RIC8B: variants seen among roughly 807,000 people sequenced by gnomAD.
RIC8B encodes RIC8 guanine nucleotide exchange factor B, also known as chaperone Ric-8B.
Under a neutral mutation model 57.5 loss-of-function variants are expected in RIC8B, and 16 were observed. That is an observed-to-expected ratio of 0.28 (90% CI 0.19 to 0.42). The LOEUF is 0.42. RIC8B is among the 10% of genes least tolerant of loss of function. The pLI, the probability that RIC8B is intolerant of heterozygous loss-of-function variation, is 1.00. For missense variants in RIC8B, 481 were observed against 677.0 expected (o/e 0.71, Z 3.21); for synonymous variants, 216 against 250.8 (o/e 0.86, Z 1.31).
At chr12:106,884,313 G>A (rs1951082889) in intron 9 of RIC8B, among the ~76,000 whole-genome samples, 2 of 152,218 alleles carry the variant, frequency 1.3e-5, no homozygotes, top group African/African-American at 4.8e-5. Flanking sequence ...ATATGACATA[G>A]TTCCTGTCAC....
intron 1 of RIC8B, 140 bp downstream of exon 1, chr12:106,774,969 G>A (rs555202883): frequency 3.1e-6 from 2 of 649,462 alleles, no homozygotes; most frequent in Non-Finnish European, 5.4e-6. Flanking sequence ...TTGGGCATGC[G>A]TGTTTGTGCC....
chr12:106,852,418 T>TA (rs1949514296), intron 7 of RIC8B, among the ~76,000 whole-genome samples: 1 of 152,224 alleles, frequency 6.6e-6, no homozygotes, highest in African/African-American at 2.4e-5. Context: ...TCACTCCTCC[T>TA]AAAATCTTAA....
intron 9 of RIC8B, among the ~76,000 whole-genome samples, chr12:106,878,754 A>G (rs1440837104): frequency 6.6e-6 from 1 of 152,172 alleles, no homozygotes; most frequent in African/African-American, 2.4e-5. Flanking sequence ...GAACCTGCCT[A>G]AATAGCAGCC....
chr12:106,817,564 A>C (rs964314725), intron 3 of RIC8B, among the ~76,000 whole-genome samples: 1 of 152,112 alleles, frequency 6.6e-6, no homozygotes, highest in Non-Finnish European at 1.5e-5. Context: ...TCACGCCTGT[A>C]ATCCCAGCAC....
chr12:106,825,775 T>C lies in RIC8B; in HGVS notation c.791T>C (p.Leu264Ser). 1 of 1,613,940 alleles carries C rather than the reference T, an allele frequency of 6.2e-7. No individual in the cohort carries two copies. Among genetic ancestry groups the C allele is most frequent in the Non-Finnish European group, 8.5e-7 (1 of 1,179,812 alleles). Residue 264 changes from leucine (L) to serine (S), a missense_variant, in exon 4 of 10, where the codon TTA (leucine) becomes TCA (serine). Coordinates refer to ENST00000392837, the MANE Select transcript of RIC8B (RefSeq NM_001330145.2). ...ATGGCAGCTGTCCTTCGTCATTGTT[T>C]ACTAATCGTAGGTCCAACTGAAGAC... is the stretch of plus-strand genomic sequence containing the variant. ...RVMAAVLRHC[L>S]LIVGPTEDKT...
At chr12:106,847,249 G>A (rs186081786) in intron 6 of RIC8B, among the ~76,000 whole-genome samples, 1 of 152,050 alleles carries the variant, frequency 6.6e-6, no homozygotes, top group Non-Finnish European at 1.5e-5. Context: ...TATTCTAGGG[G>A]GAAATACATA....
chr12:106,862,119 G>A (rs1333677844), intron 8 of RIC8B, among the ~76,000 whole-genome samples: 3 of 151,996 alleles, frequency 2.0e-5, no homozygotes, highest in African/African-American at 7.2e-5. Flanking sequence ...TCTCTGTCAT[G>A]GAAAGTTTCT....
intron 2 of RIC8B, among the ~76,000 whole-genome samples, chr12:106,785,811 CTCTGTGTGTGTG>C (rs1397860860): frequency 6.5e-5 from 8 of 122,254 alleles, no homozygotes; most frequent in African/African-American, 1.6e-4. Context: ...CTCTCTCTCT[CTCTGTGTGTGTG>C]TGTGTGTGTG....
chr12:106,798,822 G>T (rs1391885621), intron 2 of RIC8B, among the ~76,000 whole-genome samples: 1 of 151,780 alleles, frequency 6.6e-6, no homozygotes, highest in Non-Finnish European at 1.5e-5. Context: ...GCTTTCTCTG[G>T]CAAAATTTCT....
rs758690591 is a variant in RIC8B at position 106,803,214 on chromosome 12, T to TAAAAAAAAAAA, written c.133-11482_133-11481insAAAAAAAAAAA. Among the ~76,000 whole-genome samples the TAAAAAAAAAAA allele has an allele frequency of 9.1e-4, 77 of 84,248 alleles. 4 individuals carry two copies. Among genetic ancestry groups the TAAAAAAAAAAA allele is most frequent in the East Asian group, 1.5e-3 (4 of 2,684 alleles). The allele number at this position is 84,248 out of a possible 152,430, so 55.3% of individuals were successfully genotyped here. ...GTGACAAGAGTGATGATACCCTGTCTCAAAAAAAAAAAAAAAAAAAAAAAG... is the reference window on the plus strand; with the variant it reads ...GTGACAAGAGTGATGATACCCTGTCTAAAAAAAAAAACAAAAAAAAAAAAAAAAAAAAAAAG... On this transcript the variant is annotated intron_variant, in intron 2 of 9. Coordinates refer to ENST00000392837, the MANE Select transcript of RIC8B (RefSeq NM_001330145.2).
intron 4 of RIC8B, among the ~76,000 whole-genome samples, chr12:106,833,339 C>T (rs933420308): frequency 1.3e-5 from 2 of 152,152 alleles, no homozygotes; most frequent in African/African-American, 2.4e-5. Context: ...TGGTGGCTCA[C>T]GCCTGTAATC....
chr12:106,833,594 C>CT (rs1400885415), intron 4 of RIC8B, among the ~76,000 whole-genome samples: 3 of 151,806 alleles, frequency 2.0e-5, no homozygotes, highest in African/African-American at 7.3e-5. Context: ...GAGTGAGACT[C>CT]TGTCTCAAAA....
intron 2 of RIC8B, among the ~76,000 whole-genome samples, chr12:106,801,679 G>C (rs2044739367): frequency 6.6e-6 from 1 of 152,166 alleles, no homozygotes; most frequent in Non-Finnish European, 1.5e-5. Flanking sequence ...AGATCTCCAT[G>C]TTAGCTTTTT....
intron 3 of RIC8B, among the ~76,000 whole-genome samples, chr12:106,816,162 C>T (rs2045566242): frequency 6.8e-6 from 1 of 146,214 alleles, no homozygotes; most frequent in African/African-American, 2.6e-5. Flanking sequence ...TTCACCCCCT[C>T]CTGTAAAAAG....
intron 3 of RIC8B, among the ~76,000 whole-genome samples, chr12:106,818,110 A>G (rs774276625): frequency 1.3e-5 from 2 of 152,264 alleles, no homozygotes; most frequent in Admixed American, 6.5e-5. Context: ...GGAAAAAGGC[A>G]TATAAGCAAT....
chr12:106,836,408 C>T (rs892708914), intron 4 of RIC8B, among the ~76,000 whole-genome samples: 9 of 152,196 alleles, frequency 5.9e-5, no homozygotes, highest in Non-Finnish European at 1.3e-4. Flanking sequence ...CTATTAACAT[C>T]TCCACTTGGA....
chr12:106,841,459 G>GT (rs1360271912), intron 4 of RIC8B, among the ~76,000 whole-genome samples: 1 of 152,036 alleles, frequency 6.6e-6, no homozygotes, highest in Non-Finnish European at 1.5e-5. Flanking sequence ...CTATTTCTTT[G>GT]TTTTTCTGTT....
At chr12:106,832,605 T>A (rs1262734615) in intron 4 of RIC8B, among the ~76,000 whole-genome samples, 5 of 151,952 alleles carry the variant, frequency 3.3e-5, no homozygotes, top group African/African-American at 9.7e-5. Flanking sequence ...AGAGTGAAGA[T>A]TGTGTCTGTC....
intron 9 of RIC8B, among the ~76,000 whole-genome samples, chr12:106,872,257 A>G (rs1950465110): frequency 6.6e-6 from 1 of 152,232 alleles, no homozygotes; most frequent in Non-Finnish European, 1.5e-5. Flanking sequence ...GGGCAAACCT[A>G]TAGGAGGCAG....
Sources: gnomAD v4.1 joint callset for allele counts (sites outside exome capture counted in the v4.1 genomes callset) on GRCh38, gnomAD v4.1.1 for gene constraint, MANE v1.5 for transcripts, NCBI Gene and HGNC (gene_info 2026-07-23, HGNC 2026-07-21) for gene names.